The following SLC35F4 variants were observed in gnomAD, a reference collection of about 807,000 sequenced individuals.
The protein encoded by SLC35F4 is chromosome 14 open reading frame 36.
In SLC35F4, 24 loss-of-function variants were observed where a neutral mutation model predicts 44.2. That is an observed-to-expected ratio of 0.54 (90% CI 0.39 to 0.76). The LOEUF (loss-of-function observed/expected upper bound fraction) is 0.76. Among genes scored for constraint, SLC35F4 ranks in the 30% least tolerant of loss-of-function variants. The pLI is 0.00. For missense variants in SLC35F4, 562 were observed against 586.1 expected, an observed-to-expected ratio of 0.96 and a Z score of 0.42; for synonymous variants, 238 against 223.6, an observed-to-expected ratio of 1.06 and a Z score of -0.57.
At chr14:57,676,364 A>T (rs1476056472) in intron 1 of SLC35F4, among the ~76,000 whole-genome samples, 1 of 152,072 alleles carries the variant, frequency 6.6e-6, no homozygotes, top group Non-Finnish European at 1.5e-5. Context: ...CTCACTTATA[A>T]ATGGGAGCTG....
chr14:57,734,130 G>C (rs1219461616), intron 1 of SLC35F4, among the ~76,000 whole-genome samples: 1 of 152,060 alleles, frequency 6.6e-6, no homozygotes, highest in Non-Finnish European at 1.5e-5. Flanking sequence ...CCCATCCCTG[G>C]GAACATTGAG....
At chr14:57,820,635 T>C (rs1047215850) in intron 1 of SLC35F4, among the ~76,000 whole-genome samples, 2 of 152,230 alleles carry the variant, frequency 1.3e-5, no homozygotes, top group African/African-American at 4.8e-5. Flanking sequence ...CTTTTGAAAA[T>C]GTATCTGCGG....
intron 1 of SLC35F4, among the ~76,000 whole-genome samples, chr14:57,741,350 T>G (rs1566813006): frequency 6.6e-6 from 1 of 152,104 alleles, no homozygotes; most frequent in Non-Finnish European, 1.5e-5. Context: ...GAAAAAAGAT[T>G]AGACAAATGA....
intron 1 of SLC35F4, among the ~76,000 whole-genome samples, chr14:57,725,785 G>A (rs760065108): frequency 2.6e-5 from 4 of 152,134 alleles, no homozygotes; most frequent in East Asian, 1.9e-4. Flanking sequence ...CTGAATCAGC[G>A]TCCAATATAT....
At chr14:57,639,080 A>C (rs779482577) in intron 1 of SLC35F4, among the ~76,000 whole-genome samples, 4 of 152,104 alleles carry the variant, frequency 2.6e-5, no homozygotes, top group Non-Finnish European at 5.9e-5. Flanking sequence ...CATTGGGTCC[A>C]TTTTAATGGC....
downstream of SLC35F4, among the ~76,000 whole-genome samples, chr14:57,975,079 G>T (rs551224353): frequency 6.6e-5 from 10 of 152,312 alleles, 1 homozygote; most frequent in South Asian, 2.1e-3. Context: ...CCAAAACAAT[G>T]ATGCCATTTT....
chr14:57,958,158 C>T (rs557869823), intron 1 of SLC35F4, among the ~76,000 whole-genome samples: 11 of 152,074 alleles, frequency 7.2e-5, no homozygotes, highest in East Asian at 1.9e-4. Context: ...CCCAGGTTCA[C>T]GCCGTTCTCC....
intron 1 of SLC35F4, among the ~76,000 whole-genome samples, chr14:57,874,201 G>A (rs919712271): frequency 1.3e-5 from 2 of 152,036 alleles, no homozygotes; most frequent in Non-Finnish European, 2.9e-5. Context: ...CTCTGGGAAG[G>A]CTTCTCTGCT....
At chr14:57,877,935 T>A (rs1389722273) in intron 1 of SLC35F4, among the ~76,000 whole-genome samples, 1 of 152,098 alleles carries the variant, frequency 6.6e-6, no homozygotes, top group African/African-American at 2.4e-5. Context: ...TCATCCTGAC[T>A]CAGCCTCCCA....
intron 1 of SLC35F4, among the ~76,000 whole-genome samples, chr14:57,944,006 C>T (rs1163870287): frequency 6.6e-6 from 1 of 152,108 alleles, no homozygotes; most frequent in African/African-American, 2.4e-5. Context: ...AGCCAGTGGC[C>T]TCAGTGCATT....
chr14:57,588,528 T>C (rs2069943149), intron 3 of SLC35F4, among the ~76,000 whole-genome samples: 1 of 152,216 alleles, frequency 6.6e-6, no homozygotes, highest in African/African-American at 2.4e-5. Context: ...GTCAGCTTCC[T>C]GAGCTATCCA....
intron 1 of SLC35F4, among the ~76,000 whole-genome samples, chr14:57,824,975 G>T (rs1228120106): frequency 6.6e-6 from 1 of 152,082 alleles, no homozygotes; most frequent in Non-Finnish European, 1.5e-5. Context: ...AGGGCAGAAG[G>T]AGGAAAAAGA....
intron 1 of SLC35F4, among the ~76,000 whole-genome samples, chr14:57,725,351 C>T (rs547416592): frequency 5.9e-5 from 9 of 152,308 alleles, no homozygotes; most frequent in Admixed American, 3.9e-4. Flanking sequence ...CGATATGGCA[C>T]CATTCCTCGG....
At chr14:57,742,814 T>C (rs1321600527) in intron 1 of SLC35F4, among the ~76,000 whole-genome samples, 5 of 152,162 alleles carry the variant, frequency 3.3e-5, no homozygotes, top group African/African-American at 7.2e-5. Flanking sequence ...ATTGACCACA[T>C]AGTTGGAAGT....
chr14:57,855,412 T>C (rs926483241), intron 1 of SLC35F4, among the ~76,000 whole-genome samples: 1 of 152,176 alleles, frequency 6.6e-6, no homozygotes, highest in African/African-American at 2.4e-5. Flanking sequence ...AGAAGACATT[T>C]ATGCAGCCAA....
At chr14:57,961,821 C>T (rs956083549) in intron 1 of SLC35F4, among the ~76,000 whole-genome samples, 3 of 152,196 alleles carry the variant, frequency 2.0e-5, no homozygotes, top group Non-Finnish European at 4.4e-5. Context: ...CCCTCCCTGC[C>T]TCAACTGACG....
chr14:57,729,997 G>C (rs987315739), intron 1 of SLC35F4, among the ~76,000 whole-genome samples: 14 of 152,182 alleles, frequency 9.2e-5, no homozygotes, highest in African/African-American at 3.4e-4. Flanking sequence ...GAGCAGCACT[G>C]TGTTCAATGT....
chr14:57,694,177 C>T (rs1324906021), intron 1 of SLC35F4, among the ~76,000 whole-genome samples: 1 of 152,138 alleles, frequency 6.6e-6, no homozygotes, highest in African/African-American at 2.4e-5. Flanking sequence ...GAAATCCTAC[C>T]TCTACCTCCA....
chr14:57,692,793 AAGGCTAAGTAAC>A (rs754445608), intron 1 of SLC35F4, among the ~76,000 whole-genome samples: 2 of 152,026 alleles, frequency 1.3e-5, no homozygotes, highest in Non-Finnish European at 2.9e-5. Flanking sequence ...TATAATCCAC[AAGGCTAAGTAAC>A]AGGCCTGTAG....
Sources: gnomAD v4.1 joint callset for allele counts (sites outside exome capture counted in the v4.1 genomes callset) on GRCh38, gnomAD v4.1.1 for gene constraint, MANE v1.5 for transcripts, NCBI Gene and HGNC (gene_info 2026-07-23, HGNC 2026-07-21) for gene names.